Variants in PNCK observed in about 807,000 individuals in gnomAD.
PNCK encodes the protein pregnancy up-regulated nonubiquitous CaM kinase.
In PNCK, 21 loss-of-function variants were observed where a neutral mutation model predicts 28.3. The ratio of observed to expected loss-of-function variants is 0.74; its 90% CI spans 0.53 to 1.07. The LOEUF (loss-of-function observed/expected upper bound fraction) is 1.07. Among genes scored for constraint, PNCK ranks in the 50% least tolerant of loss-of-function variants. The probability of loss-of-function intolerance (pLI) is 0.00; values close to 1 mark genes in which losing one functional copy is unlikely to be tolerated. For synonymous variants in PNCK, 136 were observed against 125.2 expected (o/e 1.09, Z -0.58); for missense variants, 250 against 298.3 (o/e 0.84, Z 1.19).
At chrX:153,677,570 AGT>A (rs1557041779), upstream of PNCK, among the ~76,000 whole-genome samples, 7 of 101,696 alleles carry the variant, frequency 6.9e-5, no homozygotes, top group African/African-American at 2.6e-4. Flanking sequence ...GTGTATATAT[AGT>A]GTGTATATAT....
At chrX:153,670,411 G>A (rs1557039226) in intron 11 of PNCK, 39 bp downstream of exon 11, 1 of 1,208,807 alleles carries the variant, frequency 8.3e-7, no homozygotes, top group South Asian at 1.8e-5. Flanking sequence ...GCTCTCCAAG[G>A]AGCCAGCTCC....
At chrX:153,673,881 C>T, upstream of PNCK, 1 of 851,235 alleles carries the variant, frequency 1.2e-6, no homozygotes. Flanking sequence ...CCCCCGCCAG[C>T]CGCCCAAGCA....
rs1400848899 is a variant in PNCK at position 153,672,708 on chromosome X, C to CG, written c.69-12dup. 3.4e-6 allele frequency: 4 copies of CG among 1,192,844 alleles called. No individual in the cohort carries two copies. The African/African-American group carries it at 7.0e-5, about 21-fold the overall frequency. ...TCGGAGAAGGCACCCCTGCCGCAGACGGGGCGGTGGGAGGTGGGAAGGAAG... is the reference window on the plus strand; with the variant it reads ...TCGGAGAAGGCACCCCTGCCGCAGACGGGGGCGGTGGGAGGTGGGAAGGAAG... On this transcript the variant is annotated splice_polypyrimidine_tract_variant and intron_variant, in intron 2 of 11. Transcript: ENST00000340888.
At chrX:153,676,527 G>A (rs1270441103), upstream of PNCK, among the ~76,000 whole-genome samples, 2 of 111,732 alleles carry the variant, frequency 1.8e-5, no homozygotes, top group Non-Finnish European at 3.8e-5. Flanking sequence ...CTGCTGGCGA[G>A]TGTACCCTTT....
chrX:153,683,294 C>G (rs1344938419), intron 1 of PNCK, among the ~76,000 whole-genome samples: 3 of 110,640 alleles, frequency 2.7e-5, no homozygotes, highest in Non-Finnish European at 5.7e-5. Context: ...GCCCGTGCCA[C>G]CACACCTGGT....
intron 3 of PNCK, 154 bp from the exon 4 acceptor site, chrX:153,672,354 T>C: frequency 1.2e-6 from 1 of 829,380 alleles, no homozygotes; most frequent in South Asian, 2.6e-5. Flanking sequence ...AAGGCAGAGC[T>C]CCAGCCTGAG....
At chrX:153,685,235 G>A (rs889021819) in intron 1 of PNCK, among the ~76,000 whole-genome samples, 1 of 110,902 alleles carries the variant, frequency 9.0e-6, no homozygotes, top group Admixed American at 9.4e-5. Flanking sequence ...AGCCTGACGC[G>A]CCTTGACAAA....
Position 153,670,918 on chromosome X carries a change from C to T in PNCK, c.806G>A (p.Trp269Ter), listed in dbSNP as rs781812862. The T allele has an allele frequency of 2.5e-6, 3 of 1,212,266 alleles. No homozygotes were observed. Among genetic ancestry groups the T allele is most frequent in the South Asian group, 3.5e-5 (2 of 57,021 alleles). The change falls in exon 9 of 12, where the codon TGG becomes TAG. Residue 269 changes from tryptophan to a stop codon, truncating the protein, a stop_gained and splice_region_variant. Transcript: ENST00000340888. LOFTEE classifies it high-confidence loss of function. ...FTCQQALRHL[W>*]ISGDTAFDRD... is the part of the protein sequence containing the mutation. The stretch of plus-strand genomic sequence containing the variant: ...GCAGCTCAGCAGGGCTCCCACTCAC[C>T]AAAGGTGCCGCAAGGCCTGTTGGCA...
intron 1 of PNCK, among the ~76,000 whole-genome samples, chrX:153,684,581 C>G (rs189497397): frequency 2.7e-5 from 3 of 109,832 alleles, no homozygotes; most frequent in South Asian, 3.9e-4. Flanking sequence ...TCTGGCTCCC[C>G]CTTTGTTCCC....
chrX:153,671,950 T>C lies in PNCK; in HGVS notation c.344A>G (p.His115Arg), dbSNP rs781794626. ...GGCGCCAAGGACCTGACCCACCAGATGGCTGGCATCCTTCTCTGTGTAGGA... is the reference window on the plus strand; with the variant it reads ...GGCGCCAAGGACCTGACCCACCAGACGGCTGGCATCCTTCTCTGTGTAGGA... ...RGSYTEKDAS[H>R]LVGQVLGAVS... The change falls in exon 5 of 12, where the codon CAT (histidine) becomes CGT (arginine). Residue 115 changes from histidine to arginine, a missense_variant. Physicochemically the swap from His to Arg is conservative, Grantham distance 29. Transcript: ENST00000340888. 5.0e-6 allele frequency: 6 copies of C among 1,209,189 alleles called. No individual in the cohort carries two copies. In the Admixed American group the frequency reaches 1.3e-4, roughly 26 times the overall value.
chrX:153,673,742 C>T (rs1986899382), intron 1 of PNCK, 38 bp downstream of exon 1: 2 of 728,185 alleles, frequency 2.7e-6, no homozygotes, highest in Non-Finnish European at 3.2e-6. Flanking sequence ...GGTGCGCCCC[C>T]GCCCCGCGCG....
At chrX:153,674,243 G>C (rs188171473), upstream of PNCK, 362 of 1,125,367 alleles carry the variant, frequency 3.2e-4, 1 homozygote, top group African/African-American at 5.8e-3. Context: ...CACTCACTGG[G>C]CTCCCTCTGG....
chrX:153,673,293 C>A, intron 1 of PNCK: 4 of 1,187,831 alleles, frequency 3.4e-6, no homozygotes, highest in Non-Finnish European at 4.5e-6. Context: ...GCTGCTATCC[C>A]ACGCACCCTC....
chrX:153,672,728 A>G, intron 2 of PNCK, 31 bp from the exon 3 acceptor site: 1 of 1,178,694 alleles, frequency 8.5e-7, no homozygotes, highest in Non-Finnish European at 1.1e-6. Context: ...GGAGGTGGGA[A>G]GGAAGTGGGA....
chrX:153,673,360 C>T lies in PNCK; in HGVS notation c.-2-282G>A. 9.3e-6 allele frequency: 10 copies of T among 1,075,921 alleles called. No individual in the cohort carries two copies. In the South Asian group the frequency reaches 1.9e-4, roughly 20 times the overall value. 88.7% of individuals were successfully genotyped at this position (1,075,921 alleles called of 1,213,427 possible). On this transcript the variant is annotated intron_variant, in intron 1 of 11. Coordinates refer to ENST00000340888, the MANE Select transcript of PNCK (RefSeq NM_001366977.1). ...TGCTGCCTCTCTGCCTCCACACATC[C>T]GGCCGCTTTCCAGAAGGCTCCATGC... is the stretch of plus-strand genomic sequence containing the variant.
chrX:153,671,187 C>T lies in PNCK; in HGVS notation c.618G>A (p.Leu206=), dbSNP rs782001627. Residue 206 remains leucine (L), a synonymous_variant, in exon 8 of 12, where the codon CTG becomes CTA. Transcript: ENST00000340888. ...CGTCGTAGAAGGGGGGGTACCCACA[C>T]AGCCTGGCACCCACAGATGAATCAT... ...WALGVISYIL[L]CGYPPFYDES... 2.5e-6 allele frequency: 3 copies of T among 1,210,207 alleles called. No individual in the cohort carries two copies. The highest frequency in any genetic ancestry group is 3.0e-5 in the East Asian group (1 of 33,756).
Position 153,670,541 on chromosome X carries a change from G to T in PNCK, c.948C>A (p.Ile316=), listed in dbSNP as rs1557039325. Residue 316 remains isoleucine, a synonymous_variant, in exon 11 of 12, where the codon ATC becomes ATA. Transcript: ENST00000340888. ...GCTCAGAGGCCCCCTCGCCCTCTGG[G>T]ATCTGCCCCAGCTTCCGGATGTGGC... ...FLRHIRKLGQ[I]PEGEGASEQG... 1.7e-6 allele frequency: 2 copies of T among 1,210,943 alleles called. No individual in the cohort carries two copies. The highest frequency in any genetic ancestry group is 1.1e-6 in the Non-Finnish European group (1 of 895,275).
At chrX:153,673,516 C>T (rs2091339935) in intron 1 of PNCK, 3 of 384,584 alleles carry the variant, frequency 7.8e-6, no homozygotes, top group Non-Finnish European at 8.2e-6. Context: ...CCGGGATGCA[C>T]CTGCGACCCC....
At chrX:153,674,261 A>G, upstream of PNCK, 1 of 1,102,720 alleles carries the variant, frequency 9.1e-7, no homozygotes, top group South Asian at 2.2e-5. Context: ...TGGCTCCACC[A>G]TTAATCCCTC....
Sources: allele counts gnomAD v4.1 joint callset (sites outside exome capture counted in the v4.1 genomes callset), GRCh38; gene constraint gnomAD v4.1.1; transcripts MANE v1.5; gene names NCBI Gene and HGNC (gene_info 2026-07-23, HGNC 2026-07-21).